The following TECPR1 variants were observed in gnomAD, a reference collection of about 807,000 sequenced individuals.
The protein encoded by TECPR1 is tectonin beta-propeller repeat-containing protein 1.
Under a neutral mutation model 162.4 loss-of-function variants are expected in TECPR1, and 122 were observed. The ratio of observed to expected loss-of-function variants is 0.75; its 90% confidence interval spans 0.65 to 0.87. TECPR1 has a LOEUF of 0.87. Among genes scored for constraint, TECPR1 ranks in the 40% least tolerant of loss-of-function variants. The pLI is 0.00. For synonymous variants in TECPR1, 642 were observed against 670.6 expected (o/e 0.96, Z 0.66); for missense variants, 1,432 against 1,618.2 (o/e 0.88, Z 1.97).
At chr7:98,228,589 T>A in intron 16 of TECPR1, 1 of 214,286 alleles carries the variant, frequency 4.7e-6, no homozygotes, top group Non-Finnish European at 9.6e-6. Context: ...TCCTGGGGTA[T>A]CAGGGGACCA....
chr7:98,242,031 C>T (rs1359201922), intron 6 of TECPR1, among the ~76,000 whole-genome samples: 2 of 152,216 alleles, frequency 1.3e-5, no homozygotes, highest in Non-Finnish European at 2.9e-5. Context: ...ATCCAGATGG[C>T]CATGGCCCCC....
At position 98,233,582 on chromosome 7, in the gene TECPR1, G is replaced by A; in HGVS notation, c.1511C>T (p.Ala504Val). The change falls in exon 11 of 26, where the codon GCT (alanine) becomes GTT (valine). Residue 504 changes from alanine (A) to valine (V), a missense_variant. Physicochemically the swap from Ala to Val is moderately conservative, Grantham distance 64. Coordinates refer to ENST00000447648, the MANE Select transcript of TECPR1 (RefSeq NM_015395.3). ...GAGGCTGGTGGTCTCGGGGAAGCCAGCGGCCGAGTGGCTGGGCACTTTCTT... is the reference window on the plus strand; with the variant it reads ...GAGGCTGGTGGTCTCGGGGAAGCCAACGGCCGAGTGGCTGGGCACTTTCTT... ...EAKKVPSHSA[A>V]GFPETTSLSS... 1 of 1,593,778 alleles carries A rather than the reference G, an allele frequency of 6.3e-7. No homozygotes were observed. The highest frequency in any genetic ancestry group is 8.5e-7 in the Non-Finnish European group (1 of 1,171,710).
At chr7:98,226,143 T>G (rs969974110) in intron 17 of TECPR1, among the ~76,000 whole-genome samples, 1 of 152,186 alleles carries the variant, frequency 6.6e-6, no homozygotes, top group African/African-American at 2.4e-5. Context: ...TGCCCTGCCC[T>G]GTCCTCCGTC....
Position 98,217,933 on chromosome 7 carries a change from C to A in TECPR1, c.3264+3G>T, listed in dbSNP as rs1468711256. The A allele has an allele frequency of 6.4e-7, 1 of 1,552,618 alleles. No homozygotes were observed. The highest frequency in any genetic ancestry group is 2.4e-5 in the East Asian group (1 of 41,066). On this transcript the variant is annotated splice_donor_region_variant and intron_variant, in intron 24 of 25. Transcript: ENST00000447648. ...GTGCCCGATACCCCCTGAGCACCCCCACCTGGTCCAGGGGCCCCACGGACA... is the reference window on the plus strand; with the variant it reads ...GTGCCCGATACCCCCTGAGCACCCCAACCTGGTCCAGGGGCCCCACGGACA...
At chr7:98,236,142 C>T (rs944625706) in intron 10 of TECPR1, among the ~76,000 whole-genome samples, 12 of 152,210 alleles carry the variant, frequency 7.9e-5, no homozygotes, top group Non-Finnish European at 1.5e-4. Context: ...TGTGCTCTCA[C>T]GGCTGGTGGG....
chr7:98,234,318 C>T (rs943810307), intron 10 of TECPR1, among the ~76,000 whole-genome samples: 2 of 152,284 alleles, frequency 1.3e-5, no homozygotes, highest in Non-Finnish European at 2.9e-5. Context: ...CCACGCCTGG[C>T]TAATTTTTGT....
intron 2 of TECPR1, among the ~76,000 whole-genome samples, chr7:98,247,494 G>A (rs1450380441): frequency 6.6e-6 from 1 of 152,160 alleles, no homozygotes; most frequent in Non-Finnish European, 1.5e-5. Context: ...GTTGAATCTC[G>A]AAAGATATAA....
chr7:98,248,089 G>A (rs1798958121), intron 2 of TECPR1, among the ~76,000 whole-genome samples: 1 of 152,178 alleles, frequency 6.6e-6, no homozygotes, highest in Admixed American at 6.5e-5. Context: ...CTCTGCCACT[G>A]ACCACCCCTG....
In TECPR1 at chr7:98,218,002, C is replaced by G. The variant is rs377595090; in HGVS notation, c.3198G>C (p.Pro1066=). The stretch of plus-strand genomic sequence containing the variant: ...ACACGTGCTCCCAGCTGGAGCCCTG[C>G]GGGTAGCTGGGCGTGATCCCTTGGC... ...WYRQGITPSY[P]QGSSWEHVSN... is the part of the protein sequence containing the mutation. The change falls in exon 24 of 26, where the codon CCG becomes CCC. Residue 1066 remains proline (P), a synonymous_variant. Coordinates refer to ENST00000447648, the MANE Select transcript of TECPR1 (RefSeq NM_015395.3). 7.0e-6 allele frequency: 11 copies of G among 1,567,832 alleles called. No individual in the cohort carries two copies. Among genetic ancestry groups the G allele is most frequent in the Non-Finnish European group, 9.5e-6 (11 of 1,156,882 alleles).
At position 98,231,349 on chromosome 7, in the gene TECPR1, C is replaced by A. The variant is rs547498286; in HGVS notation, c.1999G>T (p.Val667Leu). The A allele has an allele frequency of 2.1e-5, 34 of 1,607,394 alleles. No homozygotes were observed. Among genetic ancestry groups the A allele is most frequent in the Non-Finnish European group, 2.6e-5 (31 of 1,177,054 alleles). ...KKYIHIFLNE[V>L]VALVPVLNET... ...TTCAGCACTGGGACCAGCGCCACCA[C>A]CTCATTCAGGAATATGTGGATGTAC... The change falls in exon 14 of 26, where the codon GTG becomes TTG. Residue 667 changes from valine (V) to leucine (L), a missense_variant. By Grantham distance (32) the Val-to-Leu change is conservative. Transcript: ENST00000447648.
chr7:98,240,767 C>T (rs1798722551), intron 8 of TECPR1, 84 bp downstream of exon 8: 1 of 1,182,192 alleles, frequency 8.5e-7, no homozygotes, highest in Non-Finnish European at 1.2e-6. Flanking sequence ...GTCACCCAGG[C>T]TGGAGTCCAG....
In TECPR1 at chr7:98,233,422, C is replaced by T. The variant is rs368301049; in HGVS notation, c.1671G>A (p.Ala557=). The change falls in exon 11 of 26, where the codon GCG becomes GCA. Residue 557 remains alanine, a splice_region_variant and synonymous_variant. Transcript: ENST00000447648. The part of the protein sequence containing the change: ...CAMPRWFTVQ[A]GLSSSVHMLS... ...CCCAGGCCCTGCAGGAGCCCTTACC[C>T]GCCTGGACAGTGAACCATCTGGGCA... is the stretch of plus-strand genomic sequence containing the variant. 34 of 1,452,192 alleles carry T rather than the reference C, an allele frequency of 2.3e-5. No homozygotes were observed. Among genetic ancestry groups the T allele is most frequent in the Admixed American group, 8.6e-5 (3 of 34,756 alleles). 90.0% of individuals were successfully genotyped at this position (1,452,192 alleles called of 1,614,324 possible). A position where few individuals can be genotyped will look rare whatever the true frequency, so the allele number is the denominator to read the frequency against.
At chr7:98,233,021 C>A in intron 11 of TECPR1, 49 bp from the exon 12 acceptor site, 1 of 1,542,694 alleles carries the variant, frequency 6.5e-7, no homozygotes, top group South Asian at 1.2e-5. Context: ...CTGCCCGCAG[C>A]TGGGCAGGAA....
At chr7:98,239,982 C>T (rs1009504578) in intron 8 of TECPR1, among the ~76,000 whole-genome samples, 8 of 151,930 alleles carry the variant, frequency 5.3e-5, no homozygotes, top group East Asian at 1.9e-4. Flanking sequence ...TGGTGGCGGG[C>T]GCCTGTAGCC....
At chr7:98,224,095 T>C (rs1257512768) in intron 19 of TECPR1, among the ~76,000 whole-genome samples, 4 of 152,092 alleles carry the variant, frequency 2.6e-5, no homozygotes, top group Non-Finnish European at 5.9e-5. Context: ...AGAGCCCTTT[T>C]GGGGAGCAAG....
At chr7:98,221,920 G>A (rs1008996868) in intron 22 of TECPR1, among the ~76,000 whole-genome samples, 167 bp from the exon 23 acceptor site, 3 of 152,138 alleles carry the variant, frequency 2.0e-5, no homozygotes, top group Non-Finnish European at 2.9e-5. Flanking sequence ...ACTGTGCCTG[G>A]GGTCTCTGGA....
rs777645927 is a variant in TECPR1 at position 98,231,028 on chromosome 7, C to A, written c.2215G>T (p.Asp739Tyr). 3.1e-6 allele frequency: 5 copies of A among 1,612,822 alleles called. No individual in the cohort carries two copies. In the South Asian group the frequency reaches 5.5e-5, roughly 18 times the overall value. The change falls in exon 15 of 26, where the codon GAC becomes TAC. Residue 739 changes from aspartate (D) to tyrosine (Y), a missense_variant. Asp to Tyr is a radical substitution (Grantham distance 160). Transcript: ENST00000447648. ...QAIWSITCKG[D>Y]IFVSEPSPDL... ...GGGCTGGGCTCGCTCACGAAGATGT[C>A]CCCCTTGCAGGTGATGGACCAGATG...
intron 2 of TECPR1, among the ~76,000 whole-genome samples, chr7:98,250,549 G>A (rs1174159298): frequency 6.6e-6 from 1 of 152,096 alleles, no homozygotes; most frequent in Non-Finnish European, 1.5e-5. Flanking sequence ...GAGGCAGGAG[G>A]ATCACTTGAG....
intron 3 of TECPR1, 130 bp from the exon 4 acceptor site, chr7:98,245,197 T>A: frequency 9.8e-7 from 1 of 1,022,714 alleles, no homozygotes; most frequent in Non-Finnish European, 1.4e-6. Flanking sequence ...GAATAGGAAG[T>A]GAGCAGAGGG....
Sources: allele counts gnomAD v4.1 joint callset (sites outside exome capture counted in the v4.1 genomes callset), GRCh38; gene constraint gnomAD v4.1.1; transcripts MANE v1.5; gene names NCBI Gene and HGNC (gene_info 2026-07-23, HGNC 2026-07-21).